Variants in AP2A2 observed in about 807,000 individuals in gnomAD.
AP2A2 encodes the protein adaptor related protein complex 2 subunit alpha 2, also known as AP-2 complex subunit alpha-2.
In AP2A2, 32 loss-of-function variants were observed where a neutral mutation model predicts 104.2. The observed-to-expected ratio is 0.31, with a 90% CI of 0.23 to 0.41. The LOEUF (loss-of-function observed/expected upper bound fraction) is 0.41, where lower values mean the gene tolerates loss of function less well. Ranked by LOEUF, AP2A2 falls within the 10% of genes least tolerant of loss-of-function variation. The probability of loss-of-function intolerance (pLI) is 1.00; values close to 1 mark genes in which losing one functional copy is unlikely to be tolerated. For synonymous variants in AP2A2, 539 were observed against 533.3 expected (o/e 1.01, Z -0.15); for missense variants, 912 against 1,261.0 (o/e 0.72, Z 4.19).
chr11:970,449 C>A, intron 3 of AP2A2, 138 bp downstream of exon 3: 2 of 1,114,348 alleles, frequency 1.8e-6, no homozygotes, highest in Non-Finnish European at 2.5e-6. Context: ...CAGATGGAGA[C>A]GCGTGCCCAG....
At position 1,009,326 on chromosome 11, in the gene AP2A2, A is replaced by G; in HGVS notation, c.2538-2A>G. ...AACACTCGCCTTTGCTGTTTCTCAC[A>G]GTCCACAGCAGGAAGTGCAGAACAT... On this transcript the variant is annotated splice_acceptor_variant, in intron 19 of 21. Transcript: ENST00000448903. LOFTEE classifies it high-confidence loss of function. 1 of 1,613,664 alleles carries G rather than the reference A, an allele frequency of 6.2e-7. No homozygotes were observed. Among genetic ancestry groups the G allele is most frequent in the Non-Finnish European group, 8.5e-7 (1 of 1,179,738 alleles).
chr11:957,413 C>T (rs532438561), intron 1 of AP2A2, among the ~76,000 whole-genome samples: 16 of 152,204 alleles, frequency 1.1e-4, no homozygotes, highest in Admixed American at 2.0e-4. Flanking sequence ...AGATTCTTCC[C>T]GGCCTATCTG....
chr11:1,001,985 C>T lies in AP2A2; in HGVS notation c.2123+1387C>T, dbSNP rs576555674. Among the ~76,000 whole-genome samples, 409 of 152,320 alleles carry T rather than the reference C, an allele frequency of 2.7e-3. 3 individuals are homozygous for T. The highest frequency in any genetic ancestry group is 0.02 in the Middle Eastern group (6 of 294). On this transcript the variant is annotated intron_variant, in intron 15 of 21. Transcript: ENST00000448903. ...AGGCACAGAGTGCCTCAGGGCGAGCCGGCTGTGGTGGCTGCTGGCACACGG... is the reference window on the plus strand; with the variant it reads ...AGGCACAGAGTGCCTCAGGGCGAGCTGGCTGTGGTGGCTGCTGGCACACGG...
intron 2 of AP2A2, among the ~76,000 whole-genome samples, chr11:961,740 T>G (rs10902253): frequency 4.7e-4 from 19 of 40,650 alleles, no homozygotes; most frequent in African/African-American, 6.2e-4. Context: ...GTGGGTCTGA[T>G]AGTCGCCGCC....
rs1430840159 is a variant in AP2A2, at chr11:1,000,593, T to C, written c.2118T>C (p.Phe706=). 4.5e-6 allele frequency: 7 copies of C among 1,543,958 alleles called. No homozygotes were observed. The South Asian group carries it at 7.1e-5, about 16-fold the overall frequency. Residue 706 remains phenylalanine, a synonymous_variant, in exon 15 of 22, where the codon TTT becomes TTC. Coordinates refer to ENST00000448903, the MANE Select transcript of AP2A2 (RefSeq NM_012305.4). ...APLAPGSEDN[F]ARFVCKNNGV... is the part of the protein sequence containing the mutation. The stretch of plus-strand genomic sequence containing the variant: ...TCGCTCCTGGCTCCGAAGACAACTT[T>C]GCCAGGTAGTCAGGTTTCCTGAGTC...
In AP2A2 at chr11:968,148, C is replaced by G. The variant is rs115832989; in HGVS notation, c.137-2021C>G. ...AATCCACGTGCTGCCACATGAGCAG[C>G]GGGCCGAGCACTGTGGCTTTCTCCT... On this transcript the variant is annotated intron_variant, in intron 2 of 21. Transcript: ENST00000448903. This position sits in a 1 kb window ranked among gnomAD's most constrained non-coding sequence, Gnocchi z 4.2. Among the ~76,000 whole-genome samples, 1 of 152,262 alleles carries G rather than the reference C, an allele frequency of 6.6e-6. No homozygotes were observed. The highest frequency in any genetic ancestry group is 2.4e-5 in the African/African-American group (1 of 41,558).
At position 929,287 on chromosome 11, in the gene AP2A2, A is replaced by G. The variant is rs930290605; in HGVS notation, c.67+3199A>G. ...TCCTGTCATGAGAGTGAATGATAGG[A>G]GTAGTCGGGCCCTGTGGAAAGAGGA... On this transcript the variant is annotated intron_variant, in intron 1 of 21. Coordinates refer to ENST00000448903, the MANE Select transcript of AP2A2 (RefSeq NM_012305.4). 5.9e-5 allele frequency among the ~76,000 whole-genome samples: 9 copies of G among 152,230 alleles called. 1 individual carries two copies. The highest frequency in any genetic ancestry group is 6.8e-3 in the Middle Eastern group (2 of 294).
At chr11:955,405 G>GT (rs762201590) in intron 1 of AP2A2, among the ~76,000 whole-genome samples, 144 of 152,354 alleles carry the variant, frequency 9.5e-4, no homozygotes, top group Non-Finnish European at 1.9e-3. Context: ...TGTACCTGCT[G>GT]TCCTGCTTTC....
chr11:936,402 A>G (rs1250918170), intron 1 of AP2A2, among the ~76,000 whole-genome samples: 2 of 151,444 alleles, frequency 1.3e-5, no homozygotes, highest in African/African-American at 4.9e-5. Context: ...TAAATAAATT[A>G]GTTATTTATT....
chr11:987,283 T>C (rs2133716305), intron 9 of AP2A2, among the ~76,000 whole-genome samples: 1 of 152,348 alleles, frequency 6.6e-6, no homozygotes, highest in Admixed American at 6.5e-5. Flanking sequence ...GGTAGAAAGA[T>C]GAAATTTTTT....
At position 986,881 on chromosome 11, in the gene AP2A2, C is replaced by T. The variant is rs1469823313; in HGVS notation, c.1059C>T (p.Cys353=). Residue 353 remains cysteine (C), a synonymous_variant, in exon 9 of 22, where the codon TGC becomes TGT. Coordinates refer to ENST00000448903, the MANE Select transcript of AP2A2 (RefSeq NM_012305.4). ...NLRYLALESM[C]TLASSEFSHE... is the part of the protein sequence containing the mutation. ...GCTACCTGGCCCTGGAGAGCATGTG[C>T]ACGCTGGCCAGCTCTGAGTTCTCCC... is the stretch of plus-strand genomic sequence containing the variant. 21 of 1,608,866 alleles carry T rather than the reference C, an allele frequency of 1.3e-5. No individual in the cohort carries two copies. The highest frequency in any genetic ancestry group is 1.8e-5 in the Non-Finnish European group (21 of 1,178,116).
At chr11:942,389 G>C (rs1224968743) in intron 1 of AP2A2, 2 of 152,208 alleles carry the variant, frequency 1.3e-5, no homozygotes, top group Admixed American at 6.5e-5. Context: ...GGGAATGAAC[G>C]GTGTGGTATG....
chr11:968,370 C>T lies in AP2A2; in HGVS notation c.137-1799C>T, dbSNP rs1399828559. 6.6e-6 allele frequency among the ~76,000 whole-genome samples: 1 copy of T among 152,084 alleles called. No homozygotes were observed. The highest frequency in any genetic ancestry group is 1.5e-5 in the Non-Finnish European group (1 of 68,014). On this transcript the variant is annotated intron_variant, in intron 2 of 21. Transcript: ENST00000448903. The surrounding 1 kb of genome is among the most constrained non-coding windows in gnomAD (Gnocchi z 4.2). ...CTAGAGCAGCTCTTCGTCTGGGGTC[C>T]CGCGGGAGCAGAGGCTGGTCGGCTC...
chr11:982,592 A>G (rs1186853804), intron 6 of AP2A2, among the ~76,000 whole-genome samples: 1 of 151,628 alleles, frequency 6.6e-6, no homozygotes, highest in Non-Finnish European at 1.5e-5. Context: ...CTAGTTTGTC[A>G]AACAGTTTTT....
At chr11:978,575 A>G (rs1044193229) in intron 5 of AP2A2, among the ~76,000 whole-genome samples, 1 of 152,074 alleles carries the variant, frequency 6.6e-6, no homozygotes, top group African/African-American at 2.4e-5. Context: ...GCCACAGCCA[A>G]CCCCAGGGTG....
intron 1 of AP2A2, among the ~76,000 whole-genome samples, chr11:948,126 A>G (rs2134511118): frequency 6.6e-6 from 1 of 151,940 alleles, no homozygotes; most frequent in Non-Finnish European, 1.5e-5. Context: ...AGCACGAACA[A>G]AACCTAAAAC....
intron 2 of AP2A2, among the ~76,000 whole-genome samples, chr11:969,168 C>T (rs1854729131): frequency 6.7e-6 from 1 of 150,110 alleles, no homozygotes; most frequent in South Asian, 2.1e-4. Context: ...CTCTGAGGGA[C>T]ACTCCCTCAC....
chr11:967,010 T>G (rs879498441), intron 2 of AP2A2, among the ~76,000 whole-genome samples: 2 of 151,614 alleles, frequency 1.3e-5, no homozygotes, highest in African/African-American at 2.4e-5. Flanking sequence ...CTACTAAAAA[T>G]AAAAAAATTG....
chr11:964,040 G>A lies in AP2A2; in HGVS notation c.136+4535G>A, dbSNP rs370268603. 9.8e-5 allele frequency among the ~76,000 whole-genome samples: 15 copies of A among 152,342 alleles called. 1 individual carries two copies. Among genetic ancestry groups the A allele is most frequent in the Admixed American group, 8.5e-4 (13 of 15,300 alleles). ...CCAGGATGTCAGTGGTGCCAGGGCT[G>A]AGGAGCCTTGTCTAGAGGGATGATA... On this transcript the variant is annotated intron_variant, in intron 2 of 21. Coordinates refer to ENST00000448903, the MANE Select transcript of AP2A2 (RefSeq NM_012305.4).
Sources: gnomAD v4.1 joint callset for allele counts (sites outside exome capture counted in the v4.1 genomes callset) on GRCh38, gnomAD v4.1.1 for gene constraint, Gnocchi (gnomAD v3.1) non-coding constraint, MANE v1.5 for transcripts, NCBI Gene and HGNC (gene_info 2026-07-23, HGNC 2026-07-21) for gene names.